CYP4X1: variants seen among roughly 807,000 people sequenced by gnomAD.
CYP4X1 encodes cytochrome P450 4X1.
CYP4X1 carries 44 observed loss-of-function variants against 57.9 expected under a neutral mutation model. That is an observed-to-expected ratio of 0.76 (90% confidence interval 0.60 to 0.98). The LOEUF (loss-of-function observed/expected upper bound fraction) is 0.98. Ranked by LOEUF, CYP4X1 falls within the 50% of genes least tolerant of loss-of-function variation. CYP4X1 has a pLI of 0.00. For missense variants in CYP4X1, 532 were observed against 623.9 expected (o/e 0.85, Z 1.57); for synonymous variants, 227 against 228.6 (o/e 0.99, Z 0.06).
At chr1:47,034,146 G>T (rs1490081690) in intron 4 of CYP4X1, among the ~76,000 whole-genome samples, 3 of 152,192 alleles carry the variant, frequency 2.0e-5, no homozygotes, top group African/African-American at 7.2e-5. Flanking sequence ...TGAATATGTA[G>T]GTAATATGGA....
intron 8 of CYP4X1, among the ~76,000 whole-genome samples, chr1:47,040,859 T>A (rs1245884271): frequency 6.6e-6 from 1 of 152,144 alleles, no homozygotes; most frequent in Non-Finnish European, 1.5e-5. Flanking sequence ...TGTTAGTAAC[T>A]CCAATCACAT....
chr1:46,986,429 G>C, the CYP4X1 span, among the ~76,000 whole-genome samples: 1 of 152,210 alleles, frequency 6.6e-6, no homozygotes, highest in East Asian at 1.9e-4. Context: ...GAAAGTGACA[G>C]AGAGAATGGA....
At chr1:46,963,330 T>G in the CYP4X1 span, among the ~76,000 whole-genome samples, 1 of 152,124 alleles carries the variant, frequency 6.6e-6, no homozygotes. Flanking sequence ...CATTAGTTGA[T>G]GCAGTTTCTT....
the CYP4X1 span, among the ~76,000 whole-genome samples, chr1:46,990,693 A>T: frequency 6.6e-6 from 1 of 152,246 alleles, no homozygotes; most frequent in Non-Finnish European, 1.5e-5. Context: ...GATGTGGCAC[A>T]TATATACCAT....
chr1:47,003,935 A>C, the CYP4X1 span, among the ~76,000 whole-genome samples: 7 of 152,218 alleles, frequency 4.6e-5, no homozygotes, highest in African/African-American at 1.7e-4. Context: ...CAGGTAGCTA[A>C]CAGTCTCAAC....
At chr1:46,978,965 C>T in the CYP4X1 span, among the ~76,000 whole-genome samples, 3 of 152,274 alleles carry the variant, frequency 2.0e-5, no homozygotes, top group South Asian at 6.2e-4. Context: ...CTCTGGGACA[C>T]ATTTAAAGGA....
At chr1:47,020,536 T>C (rs1020443129), upstream of CYP4X1, among the ~76,000 whole-genome samples, 3 of 152,232 alleles carry the variant, frequency 2.0e-5, no homozygotes, top group Non-Finnish European at 2.9e-5. Flanking sequence ...TTAAAAGTAC[T>C]TAAGCGACCC....
the CYP4X1 span, among the ~76,000 whole-genome samples, chr1:47,005,491 G>C: frequency 6.6e-6 from 1 of 152,160 alleles, no homozygotes; most frequent in Non-Finnish European, 1.5e-5. Context: ...AAGCCGGTGA[G>C]CTTTATTGCT....
the CYP4X1 span, among the ~76,000 whole-genome samples, chr1:46,982,609 G>A: frequency 1.3e-5 from 2 of 152,178 alleles, no homozygotes; most frequent in Non-Finnish European, 2.9e-5. Flanking sequence ...TCTTGTCCTT[G>A]ATTTCACAGG....
chr1:46,988,821 T>C, the CYP4X1 span, among the ~76,000 whole-genome samples: 6 of 152,160 alleles, frequency 3.9e-5, no homozygotes, highest in Non-Finnish European at 7.4e-5. Flanking sequence ...TCTCAACAGA[T>C]GCAGAAAAAG....
intron 4 of CYP4X1, 36 bp downstream of exon 4, chr1:47,033,404 A>C (rs780909076): frequency 6.2e-7 from 1 of 1,611,498 alleles, no homozygotes; most frequent in South Asian, 1.1e-5. Context: ...TGCATTGCGA[A>C]ATGCTCCCAG....
chr1:47,039,258 T>C (rs1251282794), intron 7 of CYP4X1, 84 bp from the exon 8 acceptor site: 11 of 1,263,124 alleles, frequency 8.7e-6, no homozygotes, highest in East Asian at 5.0e-5. Context: ...CTCTGATTTT[T>C]CCCCTCAAAT....
chr1:46,982,642 T>C, the CYP4X1 span, among the ~76,000 whole-genome samples: 1 of 152,162 alleles, frequency 6.6e-6, no homozygotes, highest in Non-Finnish European at 1.5e-5. Context: ...GAAAGTATAT[T>C]TGGTGTTGAA....
chr1:46,972,275 T>C, the CYP4X1 span, among the ~76,000 whole-genome samples: 91 of 152,334 alleles, frequency 6.0e-4, no homozygotes, highest in African/African-American at 2.0e-3. Flanking sequence ...TACTCACTTA[T>C]CTATTCTGTT....
At chr1:47,006,013 T>C in the CYP4X1 span, among the ~76,000 whole-genome samples, 1 of 152,212 alleles carries the variant, frequency 6.6e-6, no homozygotes, top group Non-Finnish European at 1.5e-5. Flanking sequence ...ATTAGAAACA[T>C]GGTTAACAAG....
the CYP4X1 span, among the ~76,000 whole-genome samples, chr1:46,997,150 A>AT: frequency 9.2e-5 from 14 of 151,958 alleles, no homozygotes; most frequent in East Asian, 3.9e-4. Context: ...ATGCAGAAGT[A>AT]TTTTTTTTGT....
the CYP4X1 span, among the ~76,000 whole-genome samples, chr1:46,980,064 C>T: frequency 6.6e-6 from 1 of 152,134 alleles, no homozygotes; most frequent in African/African-American, 2.4e-5. Context: ...TGAAAACTGG[C>T]ACAAGACAGG....
At chr1:46,998,916 TC>T in the CYP4X1 span, among the ~76,000 whole-genome samples, 2 of 152,174 alleles carry the variant, frequency 1.3e-5, no homozygotes, top group Non-Finnish European at 2.9e-5. Flanking sequence ...CTCTATTCTG[TC>T]CCATTGATCT....
At chr1:46,993,991 A>C in the CYP4X1 span, among the ~76,000 whole-genome samples, 1 of 151,578 alleles carries the variant, frequency 6.6e-6, no homozygotes, top group Admixed American at 6.6e-5. Flanking sequence ...TGTTTTAGAC[A>C]TGAAGTCCTT....
Sources: gnomAD v4.1 joint callset for allele counts (sites outside exome capture counted in the v4.1 genomes callset) on GRCh38, gnomAD v4.1.1 for gene constraint, MANE v1.5 for transcripts, NCBI Gene and HGNC (gene_info 2026-07-23, HGNC 2026-07-21) for gene names.